Variants in TSC22D1 observed in about 807,000 individuals in gnomAD.
The protein encoded by TSC22D1 is TSC22 domain family protein 1.
Under a neutral mutation model 74.2 loss-of-function variants are expected in TSC22D1, and 9 were observed. That is an observed-to-expected ratio of 0.12 (90% CI 0.07 to 0.21). The LOEUF is 0.21. TSC22D1 is among the 10% of genes least tolerant of loss of function. The probability of loss-of-function intolerance (pLI) is 1.00; values close to 1 mark genes in which losing one functional copy is unlikely to be tolerated. For missense variants in TSC22D1, 1,427 were observed against 1,304.7 expected (o/e 1.09, Z -1.44); for synonymous variants, 586 against 492.5 (o/e 1.19, Z -2.51).
chr13:44,475,655 G>A (rs574480461), intron 1 of TSC22D1, among the ~76,000 whole-genome samples: 8 of 151,736 alleles, frequency 5.3e-5, no homozygotes, highest in African/African-American at 1.4e-4. Context: ...TATCAGGAAC[G>A]AAAAAAATAT....
chr13:44,446,877 T>TAAC (rs1385445581), intron 1 of TSC22D1, among the ~76,000 whole-genome samples: 1 of 150,700 alleles, frequency 6.6e-6, no homozygotes, highest in Non-Finnish European at 1.5e-5. Context: ...AAAAGAAACA[T>TAAC]ATTTTTAAAT....
At chr13:44,438,398 A>T (rs1874914535) in intron 1 of TSC22D1, among the ~76,000 whole-genome samples, 1 of 152,336 alleles carries the variant, frequency 6.6e-6, no homozygotes. Context: ...CATCAGATCC[A>T]TTTAGACAGT....
At chr13:44,472,892 G>A (rs1877688609) in intron 1 of TSC22D1, among the ~76,000 whole-genome samples, 1 of 152,130 alleles carries the variant, frequency 6.6e-6, no homozygotes, top group Non-Finnish European at 1.5e-5. Context: ...CCATTTTCAT[G>A]CTGTGGATAA....
chr13:44,576,269 G>C lies in TSC22D1; in HGVS notation c.-195C>G, dbSNP rs527536813. Reference sequence around the variant, plus strand: ...GAGCTTCGGAAAGGAGGATGAACGAGGGTGAACAGGGCGGCCGGGGACCCG... The same window carrying C: ...GAGCTTCGGAAAGGAGGATGAACGACGGTGAACAGGGCGGCCGGGGACCCG... On this transcript the variant is annotated 5_prime_UTR_variant, in exon 1 of 3. Coordinates refer to ENST00000458659, the MANE Select transcript of TSC22D1 (RefSeq NM_183422.4). The C allele has an allele frequency of 1.8e-5, 14 of 770,322 alleles. No individual in the cohort carries two copies. In the East Asian group the frequency reaches 3.6e-4, roughly 20 times the overall value. 47.7% of individuals were successfully genotyped at this position (770,322 alleles called of 1,614,324 possible). A position where few individuals can be genotyped will look rare whatever the true frequency, so the allele number is the denominator to read the frequency against.
intron 1 of TSC22D1, among the ~76,000 whole-genome samples, chr13:44,571,953 T>G (rs1057222252): frequency 2.6e-5 from 4 of 152,160 alleles, no homozygotes; most frequent in Non-Finnish European, 4.4e-5. Context: ...TTTCTAAAAT[T>G]ACAACTATTT....
chr13:44,465,050 C>A (rs1243251475), intron 1 of TSC22D1, among the ~76,000 whole-genome samples: 1 of 152,144 alleles, frequency 6.6e-6, no homozygotes, highest in South Asian at 2.1e-4. Flanking sequence ...TGGTTGACCC[C>A]CACCGTGTTT....
At chr13:44,514,782 C>T (rs1879900033) in intron 1 of TSC22D1, among the ~76,000 whole-genome samples, 1 of 152,132 alleles carries the variant, frequency 6.6e-6, no homozygotes, top group African/African-American at 2.4e-5. Flanking sequence ...ATTGCTTGTA[C>T]CCAGGAGACG....
intron 1 of TSC22D1, among the ~76,000 whole-genome samples, chr13:44,541,679 T>C (rs1426430547): frequency 1.3e-5 from 2 of 152,088 alleles, no homozygotes; most frequent in Non-Finnish European, 2.9e-5. Flanking sequence ...ATATGATGGA[T>C]GATAAGAAGA....
chr13:44,458,228 C>T (rs1036292710), intron 1 of TSC22D1, among the ~76,000 whole-genome samples: 2 of 152,144 alleles, frequency 1.3e-5, no homozygotes, highest in South Asian at 2.1e-4. Context: ...TCCAAACAAC[C>T]TTTGAAAGCA....
In TSC22D1 at chr13:44,574,398, C is replaced by T; in HGVS notation, c.1677G>A (p.Lys559=). The T allele has an allele frequency of 6.2e-7, 1 of 1,614,212 alleles. No homozygotes were observed. The highest frequency in any genetic ancestry group is 1.3e-5 in the African/African-American group (1 of 75,038). The change falls in exon 1 of 3, where the codon AAG becomes AAA. Residue 559 remains lysine, a synonymous_variant. Transcript: ENST00000458659. The part of the protein sequence containing the change: ...LQSQELSYQQ[K]QGLQPVPLQA... ...GCAGAGGTACTGGCTGAAGACCTTG[C>T]TTTTGCTGATAGCTCAGTTCTTGAG...
At chr13:44,511,212 G>C (rs1167410608) in intron 1 of TSC22D1, among the ~76,000 whole-genome samples, 2 of 152,066 alleles carry the variant, frequency 1.3e-5, no homozygotes, top group Non-Finnish European at 2.9e-5. Context: ...TTGAGCCCGG[G>C]AGGTTGCAGC....
intron 1 of TSC22D1, among the ~76,000 whole-genome samples, chr13:44,514,511 T>TACACACAC (rs943387729): frequency 1.3e-5 from 2 of 151,218 alleles, no homozygotes; most frequent in Non-Finnish European, 3.0e-5. Flanking sequence ...AACACACACA[T>TACACACAC]ACACACACAC....
intron 1 of TSC22D1, among the ~76,000 whole-genome samples, chr13:44,497,073 A>G (rs1879012284): frequency 6.6e-6 from 1 of 152,166 alleles, no homozygotes; most frequent in African/African-American, 2.4e-5. Context: ...TACCAAAATA[A>G]TTGAAAATGG....
At chr13:44,447,611 A>G (rs1280466061) in intron 1 of TSC22D1, among the ~76,000 whole-genome samples, 2 of 152,046 alleles carry the variant, frequency 1.3e-5, no homozygotes, top group African/African-American at 4.8e-5. Context: ...ATAGATTTAA[A>G]TATAATCTTT....
chr13:44,573,056 A>G, intron 1 of TSC22D1, 107 bp downstream of exon 1: 2 of 1,443,492 alleles, frequency 1.4e-6, no homozygotes, highest in South Asian at 1.5e-5. Context: ...TTTCACATAC[A>G]AAACACAATA....
chr13:44,510,556 G>A (rs528576831), intron 1 of TSC22D1, among the ~76,000 whole-genome samples: 43 of 152,232 alleles, frequency 2.8e-4, no homozygotes, highest in African/African-American at 9.1e-4. Flanking sequence ...TGAACATCAG[G>A]CAATAAGAAT....
intron 1 of TSC22D1, among the ~76,000 whole-genome samples, chr13:44,437,948 CA>C (rs1194248799): frequency 1.3e-5 from 2 of 152,138 alleles, no homozygotes; most frequent in African/African-American, 4.8e-5. Context: ...CCACACTGAC[CA>C]AATAATTCCC....
intron 1 of TSC22D1, chr13:44,536,894 A>C: frequency 1.0e-6 from 1 of 970,230 alleles, no homozygotes; most frequent in Non-Finnish European, 1.2e-6. Flanking sequence ...CCCACGAAGA[A>C]TCACCTTAAC....
rs1035607914 is a variant in TSC22D1 at position 44,514,803 on chromosome 13, T to C, written c.2912+58360A>G. Among the ~76,000 whole-genome samples, 3 of 152,072 alleles carry C rather than the reference T, an allele frequency of 2.0e-5. No individual in the cohort carries two copies. The South Asian group carries it at 6.2e-4, about 31-fold the overall frequency. ...TGTACCCAGGAGACGGAGGTTGCAGTGAGCCGAGATCGCACCAATGCACTC... is the reference window on the plus strand; with the variant it reads ...TGTACCCAGGAGACGGAGGTTGCAGCGAGCCGAGATCGCACCAATGCACTC... On this transcript the variant is annotated intron_variant, in intron 1 of 2. Coordinates refer to ENST00000458659, the MANE Select transcript of TSC22D1 (RefSeq NM_183422.4).
Sources: allele counts gnomAD v4.1 joint callset (sites outside exome capture counted in the v4.1 genomes callset), GRCh38; gene constraint gnomAD v4.1.1; transcripts MANE v1.5; gene names NCBI Gene and HGNC (gene_info 2026-07-23, HGNC 2026-07-21).